The following UTP4 variants were observed in gnomAD, a reference collection of about 807,000 sequenced individuals.
UTP4 encodes U3 small nucleolar RNA-associated protein 4 homolog.
In UTP4, 45 loss-of-function variants were observed where a neutral mutation model predicts 82.4. The observed-to-expected ratio is 0.55, with a 90% CI of 0.43 to 0.70. The LOEUF (loss-of-function observed/expected upper bound fraction) is 0.70. Among genes scored for constraint, UTP4 ranks in the 30% least tolerant of loss-of-function variants. UTP4 has a pLI of 0.00. For missense variants in UTP4, 819 were observed against 858.3 expected, an observed-to-expected ratio of 0.95 and a Z score of 0.57; for synonymous variants, 348 against 300.3, an observed-to-expected ratio of 1.16 and a Z score of -1.64.
At chr16:69,135,908 A>T (rs1962799558) in intron 2 of UTP4, among the ~76,000 whole-genome samples, 1 of 152,188 alleles carries the variant, frequency 6.6e-6, no homozygotes, top group Non-Finnish European at 1.5e-5. Context: ...ACATGCCTGT[A>T]ATCCCAGCTA....
At chr16:69,134,141 G>A (rs1468574135) in intron 2 of UTP4, among the ~76,000 whole-genome samples, 5 of 152,172 alleles carry the variant, frequency 3.3e-5, no homozygotes, top group Non-Finnish European at 4.4e-5. Flanking sequence ...GGTGTATGCA[G>A]AGGTCTATTA....
intron 4 of UTP4, among the ~76,000 whole-genome samples, chr16:69,138,501 A>G (rs1227480988): frequency 2.0e-5 from 3 of 152,126 alleles, no homozygotes; most frequent in Non-Finnish European, 2.9e-5. Context: ...CTTGGCCTCA[A>G]GTGCTGGGAT....
chr16:69,143,389 C>T lies in UTP4; in HGVS notation c.738C>T (p.Asp246=), dbSNP rs748353799. 11 of 1,613,638 alleles carry T rather than the reference C, an allele frequency of 6.8e-6. 1 individual carries two copies. Among genetic ancestry groups the T allele is most frequent in the Middle Eastern group, 1.7e-4 (1 of 6,054 alleles). The stretch of plus-strand genomic sequence containing the variant: ...ACGTGCAGTCCATTGCTGTAGCTGA[C>T]GTGAGTACAGTCCCTGTTTAGAGTG... ...NADVQSIAVA[D]QEDSFVVGTA... is the part of the protein sequence containing the mutation. Residue 246 remains aspartate, a splice_region_variant and synonymous_variant, in exon 6 of 17, where the codon GAC becomes GAT. Transcript: ENST00000314423.
rs906518803 is a variant in UTP4, at chr16:69,163,123, C to T, written c.1592C>T (p.Ala531Val). 3 of 1,614,156 alleles carry T rather than the reference C, an allele frequency of 1.9e-6. No individual in the cohort carries two copies. The highest frequency in any genetic ancestry group is 2.5e-6 in the Non-Finnish European group (3 of 1,180,022). Residue 531 changes from alanine (A) to valine (V), a missense_variant, in exon 14 of 17, where the codon GCT becomes GTT. Transcript: ENST00000314423. Reference sequence around the variant, plus strand: ...CCTGCTTACAATTTCCCAGTGACTGCTATGGCTATTGCCCCCAATACCAAC... The same window carrying T: ...CCTGCTTACAATTTCCCAGTGACTGTTATGGCTATTGCCCCCAATACCAAC... ...TVPAYNFPVT[A>V]MAIAPNTNNL... is the part of the protein sequence containing the mutation.
intron 13 of UTP4, among the ~76,000 whole-genome samples, chr16:69,162,175 G>A (rs2152283492): frequency 6.6e-6 from 1 of 151,108 alleles, no homozygotes; most frequent in African/African-American, 2.4e-5. Context: ...CACCATGTTG[G>A]CCAGGCTGGT....
intron 2 of UTP4, among the ~76,000 whole-genome samples, chr16:69,135,040 A>T: frequency 2.1e-5 from 3 of 145,030 alleles, no homozygotes; most frequent in African/African-American, 2.5e-5. Context: ...TTTAACAGTC[A>T]TGGCCATATT....
At position 69,143,230 on chromosome 16, in the gene UTP4, G is replaced by A. The variant is rs1475490159; in HGVS notation, c.579G>A (p.Lys193=). The A allele has an allele frequency of 6.2e-7, 1 of 1,614,248 alleles. No homozygotes were observed. ...ACAGGCAGTATATGGGCGTGTCTAA[G>A]CGGAAGTGCATCGTGTGGGGTGTCG... ...IVDRQYMGVS[K]RKCIVWGVAF... is the part of the protein sequence containing the mutation. Residue 193 remains lysine, a synonymous_variant, in exon 6 of 17, where the codon AAG becomes AAA. Transcript: ENST00000314423.
At chr16:69,165,798 A>G in intron 15 of UTP4, 1 of 565,468 alleles carries the variant, frequency 1.8e-6, no homozygotes, top group Non-Finnish European at 3.2e-6. Context: ...CTTTGCGAGT[A>G]AGCACATAAA....
chr16:69,157,096 C>G lies in UTP4; in HGVS notation c.1300C>G (p.Pro434Ala), dbSNP rs764327243. Residue 434 changes from proline (P) to alanine (A), a missense_variant, in exon 12 of 17, where the codon CCA becomes GCA. Pro to Ala is a conservative substitution (Grantham distance 27). Coordinates refer to ENST00000314423, the MANE Select transcript of UTP4 (RefSeq NM_032830.3). The part of the protein sequence containing the change: ...NISLKRVSKM[P>A]AFLRSALQIL... Reference sequence around the variant, plus strand: ...GGTTCACCCAAAGGTTTCCAAAATGCCAGCATTCCTTCGCTCTGCCCTTCA... The same window carrying G: ...GGTTCACCCAAAGGTTTCCAAAATGGCAGCATTCCTTCGCTCTGCCCTTCA... 3 of 1,614,068 alleles carry G rather than the reference C, an allele frequency of 1.9e-6. No homozygotes were observed. Among genetic ancestry groups the G allele is most frequent in the African/African-American group, 2.7e-5 (2 of 74,920 alleles).
At position 69,155,888 on chromosome 16, in the gene UTP4, C is replaced by T; in HGVS notation, c.1182C>T (p.Ile394=). Residue 394 remains isoleucine, a synonymous_variant, in exon 11 of 17, where the codon ATC becomes ATT. Coordinates refer to ENST00000314423, the MANE Select transcript of UTP4 (RefSeq NM_032830.3). ...ATTGCCAGGGTCCTGAGAACATTAT[C>T]TGTAGCTGTATCTCCCCATGTGGAA... ...HLKTKGPENI[I]CSCISPCGSW... is the part of the protein sequence containing the mutation. 1 of 1,614,060 alleles carries T rather than the reference C, an allele frequency of 6.2e-7. No individual in the cohort carries two copies. The highest frequency in any genetic ancestry group is 2.2e-5 in the East Asian group (1 of 44,882).
At position 69,160,273 on chromosome 16, in the gene UTP4, C is replaced by A. The variant is rs1963529549; in HGVS notation, c.1445-83C>A. The A allele has an allele frequency of 5.8e-6, 6 of 1,026,096 alleles. No homozygotes were observed. In the East Asian group the frequency reaches 1.4e-4, roughly 24 times the overall value. 63.6% of individuals were successfully genotyped at this position (1,026,096 alleles called of 1,614,324 possible). Reference sequence around the variant, plus strand: ...AGTGATTTAAAACTCTAATGGTCTCCTTGGCTTTTGCCATCATCTCCAGGG... The same window carrying A: ...AGTGATTTAAAACTCTAATGGTCTCATTGGCTTTTGCCATCATCTCCAGGG... On this transcript the variant is annotated intron_variant, in intron 12 of 16. Transcript: ENST00000314423.
chr16:69,158,991 G>A (rs1963497347), intron 12 of UTP4, among the ~76,000 whole-genome samples: 1 of 152,136 alleles, frequency 6.6e-6, no homozygotes, highest in Non-Finnish European at 1.5e-5. Flanking sequence ...TAAATACACA[G>A]CAGGCATCCA....
chr16:69,144,745 G>A (rs1486954685), intron 6 of UTP4, among the ~76,000 whole-genome samples: 1 of 152,194 alleles, frequency 6.6e-6, no homozygotes, highest in Admixed American at 6.5e-5. Context: ...AAACATAGAT[G>A]TCACACGTAA....
intron 12 of UTP4, 48 bp downstream of exon 12, chr16:69,157,288 G>C: frequency 6.2e-7 from 1 of 1,603,522 alleles, no homozygotes. Flanking sequence ...TGTCTAAGAT[G>C]TAACTTTTTT....
chr16:69,152,411 G>A (rs1267855175), intron 8 of UTP4, among the ~76,000 whole-genome samples: 2 of 151,094 alleles, frequency 1.3e-5, no homozygotes, highest in African/African-American at 2.4e-5. Flanking sequence ...TCAGCCTCCC[G>A]AGTTGCTGGA....
Position 69,155,925 on chromosome 16 carries a change from T to C in UTP4, c.1219T>C (p.Tyr407His). 4 of 1,613,912 alleles carry C rather than the reference T, an allele frequency of 2.5e-6. No individual in the cohort carries two copies. Among genetic ancestry groups the C allele is most frequent in the Non-Finnish European group, 3.4e-6 (4 of 1,179,786 alleles). The change falls in exon 11 of 17, where the codon TAT (tyrosine) becomes CAT (histidine). Residue 407 changes from tyrosine (Y) to histidine (H), a missense_variant. Coordinates refer to ENST00000314423, the MANE Select transcript of UTP4 (RefSeq NM_032830.3). ...CISPCGSWIA[Y>H]STVSRFFLYR... ...CTCCCCATGTGGAAGTTGGATAGCC[T>C]ATTCTACAGTTTCTCGGTTTTTTCT...
At chr16:69,156,068 C>T (rs748274668) in intron 11 of UTP4, 75 bp downstream of exon 11, 1 of 1,440,850 alleles carries the variant, frequency 6.9e-7, no homozygotes. Context: ...AAGTGGAAAT[C>T]AACTGGATGT....
At chr16:69,141,290 A>G (rs1567601814) in intron 5 of UTP4, among the ~76,000 whole-genome samples, 1 of 152,144 alleles carries the variant, frequency 6.6e-6, no homozygotes, top group Non-Finnish European at 1.5e-5. Context: ...AGGATCTCCC[A>G]TTTCTGTGTT....
chr16:69,155,451 C>T (rs1241297761), intron 10 of UTP4, among the ~76,000 whole-genome samples: 1 of 152,206 alleles, frequency 6.6e-6, no homozygotes, highest in East Asian at 1.9e-4. Flanking sequence ...AGGCATGACC[C>T]ACTGTACCTG....
Sources: allele counts gnomAD v4.1 joint callset (sites outside exome capture counted in the v4.1 genomes callset), GRCh38; gene constraint gnomAD v4.1.1; transcripts MANE v1.5; gene names NCBI Gene and HGNC (gene_info 2026-07-23, HGNC 2026-07-21).